The following SLC2A13 variants were observed in gnomAD, a reference collection of about 807,000 sequenced individuals.
SLC2A13 encodes proton myo-inositol cotransporter.
In SLC2A13, 32 loss-of-function variants were observed where a neutral mutation model predicts 64.4. The ratio of observed to expected loss-of-function variants is 0.50; its 90% CI spans 0.37 to 0.67. The LOEUF is 0.67. Among genes scored for constraint, SLC2A13 ranks in the 30% least tolerant of loss-of-function variants. The pLI is 0.00. For missense variants in SLC2A13, 743 were observed against 829.2 expected (o/e 0.90, Z 1.28); for synonymous variants, 338 against 327.1 (o/e 1.03, Z -0.36).
chr12:39,890,222 C>T (rs890590643), intron 4 of SLC2A13, among the ~76,000 whole-genome samples: 2 of 151,922 alleles, frequency 1.3e-5, no homozygotes, highest in Admixed American at 6.6e-5. Flanking sequence ...AAAACCTGGC[C>T]ATTTGTTTAC....
intron 6 of SLC2A13, among the ~76,000 whole-genome samples, chr12:39,842,008 A>G (rs1406767926): frequency 2.6e-5 from 4 of 152,092 alleles, no homozygotes; most frequent in Non-Finnish European, 5.9e-5. Context: ...CATTGGCATC[A>G]TGAGGGAGGC....
intron 4 of SLC2A13, among the ~76,000 whole-genome samples, chr12:39,896,450 G>GTGTATATATGTATACATATATGTATA (rs1565528500): frequency 8.9e-6 from 1 of 112,858 alleles, no homozygotes; most frequent in African/African-American, 3.7e-5. Context: ...ATATGTATAT[G>GTGTATATATGTATACATATATGTATA]TGTGTATATA....
chr12:39,884,805 C>T (rs767985170), intron 4 of SLC2A13, among the ~76,000 whole-genome samples: 3 of 152,160 alleles, frequency 2.0e-5, no homozygotes, highest in Non-Finnish European at 2.9e-5. Context: ...TACTGTTTCT[C>T]ATGTCCCAAG....
intron 7 of SLC2A13, among the ~76,000 whole-genome samples, chr12:39,765,256 A>T (rs1940305307): frequency 6.6e-6 from 1 of 152,070 alleles, no homozygotes; most frequent in African/African-American, 2.4e-5. Flanking sequence ...TGGGGATAAT[A>T]CTTTGTAGAC....
Position 39,820,613 on chromosome 12 carries a change from TATG to T in SLC2A13, c.1445+9487_1445+9489del, listed in dbSNP as rs1354229861. On this transcript the variant is annotated intron_variant, in intron 7 of 9. Coordinates refer to ENST00000280871, the MANE Select transcript of SLC2A13 (RefSeq NM_052885.4). ...TTGAATGGTCAAATTTTATTTCATT[TATG>T]CTGTCCAGCAAAAAACCTCCTGAGA... 2.6e-5 allele frequency among the ~76,000 whole-genome samples: 4 copies of T among 151,828 alleles called. No homozygotes were observed. In the East Asian group the frequency reaches 7.7e-4, roughly 29 times the overall value.
At chr12:39,825,451 T>A (rs1341597487) in intron 7 of SLC2A13, among the ~76,000 whole-genome samples, 1 of 152,196 alleles carries the variant, frequency 6.6e-6, no homozygotes, top group Non-Finnish European at 1.5e-5. Context: ...CTTACTGGCC[T>A]TTTGACTTTG....
At chr12:39,877,509 A>C (rs1418195150) in intron 4 of SLC2A13, among the ~76,000 whole-genome samples, 1 of 152,226 alleles carries the variant, frequency 6.6e-6, no homozygotes, top group Non-Finnish European at 1.5e-5. Flanking sequence ...AACCGTATCA[A>C]TAACTATCAC....
intron 9 of SLC2A13, among the ~76,000 whole-genome samples, chr12:39,762,499 T>C (rs1566757437): frequency 6.7e-6 from 1 of 148,766 alleles, no homozygotes; most frequent in East Asian, 2.1e-4. Context: ...GGCATATTGG[T>C]GATATAGCAA....
intron 3 of SLC2A13, among the ~76,000 whole-genome samples, chr12:40,016,060 CTTT>C (rs1379917993): frequency 6.6e-6 from 1 of 152,174 alleles, no homozygotes; most frequent in African/African-American, 2.4e-5. Flanking sequence ...AAACTTTGCT[CTTT>C]AACAGTAATA....
At chr12:39,783,668 C>T (rs571264426) in intron 7 of SLC2A13, among the ~76,000 whole-genome samples, 2 of 152,250 alleles carry the variant, frequency 1.3e-5, no homozygotes, top group South Asian at 4.2e-4. Flanking sequence ...TAAATGTCTT[C>T]TTTTGAGAAG....
At chr12:39,960,987 T>A (rs1428200970) in intron 3 of SLC2A13, among the ~76,000 whole-genome samples, 3 of 151,236 alleles carry the variant, frequency 2.0e-5, no homozygotes, top group Non-Finnish European at 4.4e-5. Flanking sequence ...CCTTCAGTGA[T>A]CCACTCGTCT....
intron 4 of SLC2A13, among the ~76,000 whole-genome samples, chr12:39,895,866 GCACACACA>G (rs879860296): frequency 0.28 from 33,094 of 117,178 alleles, 14,740 homozygotes; most frequent in East Asian, 0.59. Flanking sequence ...GCGTGTATAT[GCACACACA>G]TATGTATATG....
intron 7 of SLC2A13, among the ~76,000 whole-genome samples, chr12:39,769,198 G>C (rs1371695003): frequency 6.6e-6 from 1 of 152,046 alleles, no homozygotes; most frequent in East Asian, 1.9e-4. Flanking sequence ...TCTAAGAGTA[G>C]ACATTCCATA....
intron 6 of SLC2A13, among the ~76,000 whole-genome samples, chr12:39,850,578 A>C (rs899504690): frequency 1.2e-4 from 19 of 152,316 alleles, no homozygotes; most frequent in African/African-American, 4.6e-4. Context: ...GTTAACAATA[A>C]TTGTATCTGT....
In SLC2A13 at chr12:39,973,250, C is replaced by T. The variant is rs529702918; in HGVS notation, c.926-21885G>A. Among the ~76,000 whole-genome samples the T allele has an allele frequency of 5.9e-5, 9 of 152,340 alleles. No homozygotes were observed. The South Asian group carries it at 1.9e-3, about 32-fold the overall frequency. ...TCAAGTCTCTGCTATCTCACCTAAA[C>T]TAAGCGCAGCATTGGAAACAGTGGC... is the stretch of plus-strand genomic sequence containing the variant. On this transcript the variant is annotated intron_variant, in intron 3 of 9. Coordinates refer to ENST00000280871, the MANE Select transcript of SLC2A13 (RefSeq NM_052885.4).
intron 2 of SLC2A13, among the ~76,000 whole-genome samples, chr12:40,043,116 A>T (rs1164821146): frequency 6.6e-6 from 1 of 151,378 alleles, no homozygotes; most frequent in Non-Finnish European, 1.5e-5. Context: ...AAAGAATTTA[A>T]TTTTTTTTTC....
At chr12:39,976,516 T>C (rs1946761291) in intron 3 of SLC2A13, among the ~76,000 whole-genome samples, 1 of 152,232 alleles carries the variant, frequency 6.6e-6, no homozygotes, top group African/African-American at 2.4e-5. Flanking sequence ...TCATTAATGT[T>C]ACCTCTGGTA....
intron 7 of SLC2A13, among the ~76,000 whole-genome samples, chr12:39,826,636 T>A (rs1942684265): frequency 6.6e-6 from 1 of 151,402 alleles, no homozygotes; most frequent in South Asian, 2.1e-4. Context: ...TTTTAAAAAC[T>A]CATTAGAAGG....
chr12:39,774,113 A>C (rs1203356953), intron 7 of SLC2A13, among the ~76,000 whole-genome samples: 1 of 152,206 alleles, frequency 6.6e-6, no homozygotes, highest in East Asian at 1.9e-4. Flanking sequence ...TTATTGATAG[A>C]AATTTATGAT....
Sources: allele counts gnomAD v4.1 joint callset (sites outside exome capture counted in the v4.1 genomes callset), GRCh38; gene constraint gnomAD v4.1.1; transcripts MANE v1.5; gene names NCBI Gene and HGNC (gene_info 2026-07-23, HGNC 2026-07-21).